DEPDC5: variants seen among roughly 807,000 people sequenced by gnomAD.
DEPDC5 encodes DEP domain containing 5, GATOR1 subcomplex subunit.
In DEPDC5, 73 loss-of-function variants were observed where a neutral mutation model predicts 217.3. That is an observed-to-expected ratio of 0.34 (90% CI 0.28 to 0.41). The LOEUF is 0.41. DEPDC5 is among the 10% of genes least tolerant of loss of function. The pLI is 1.00. For synonymous variants in DEPDC5, 733 were observed against 756.7 expected (o/e 0.97, Z 0.51); for missense variants, 1,675 against 2,070.1 (o/e 0.81, Z 3.70).
chr22:31,847,305 GC>G (rs2091793234), intron 31 of DEPDC5, among the ~76,000 whole-genome samples: 1 of 151,886 alleles, frequency 6.6e-6, no homozygotes, highest in African/African-American at 2.4e-5. Context: ...ATCACTTGAG[GC>G]CAGGAGTTTG....
intron 6 of DEPDC5, 54 bp downstream of exon 6, chr22:31,766,722 C>A: frequency 6.7e-7 from 1 of 1,485,644 alleles, no homozygotes; most frequent in Non-Finnish European, 9.4e-7. Context: ...TGTGAATAAT[C>A]CCTGTTTATT....
rs16989528 is a variant in DEPDC5 at position 31,821,553 on chromosome 22, C to T, written c.1922C>T (p.Ala641Val). 0.034 allele frequency: 54,688 copies of T among 1,614,110 alleles called. 1,125 individuals carry two copies. Among genetic ancestry groups the T allele is most frequent in the South Asian group, 0.057 (5,149 of 91,076 alleles). The change falls in exon 23 of 43, where the codon GCG (alanine) becomes GTG (valine). Residue 641 changes from alanine (A) to valine (V), a missense_variant. This residue lies in a region of DEPDC5 where 136 missense variants were observed against 132.2 expected (regional missense o/e 1.03). Coordinates refer to ENST00000651528, the MANE Select transcript of DEPDC5 (RefSeq NM_001242896.3). Reference sequence around the variant, plus strand: ...CACCACCAGACCCGACAGAATATGGCGGAGCTACAAGGCAGCGGGCAGAGG... The same window carrying T: ...CACCACCAGACCCGACAGAATATGGTGGAGCTACAAGGCAGCGGGCAGAGG... ...QIHHQTRQNM[A>V]ELQGSGQRDP...
At chr22:31,785,846 GAA>G (rs2084929469) in intron 10 of DEPDC5, among the ~76,000 whole-genome samples, 1 of 152,086 alleles carries the variant, frequency 6.6e-6, no homozygotes, top group Non-Finnish European at 1.5e-5. Flanking sequence ...TTTAATGAGA[GAA>G]AGAATATTCT....
At chr22:31,781,513 A>G (rs1298413363) in intron 8 of DEPDC5, among the ~76,000 whole-genome samples, 1 of 151,212 alleles carries the variant, frequency 6.6e-6, no homozygotes, top group African/African-American at 2.4e-5. Flanking sequence ...GCTCACTACA[A>G]CCTCCGCCCC....
At chr22:31,805,981 G>C (rs1474352981) in intron 17 of DEPDC5, 141 bp from the exon 18 acceptor site, 1 of 684,972 alleles carries the variant, frequency 1.5e-6, no homozygotes, top group Non-Finnish European at 2.5e-6. Flanking sequence ...TCTTGTAAAA[G>C]AAGTTAAAAT....
Position 31,907,369 on chromosome 22 carries a change from G to C in DEPDC5, c.*872G>C, listed in dbSNP as rs1260351027. The C allele has an allele frequency of 6.6e-6, 1 of 151,004 alleles. No homozygotes were observed. Among genetic ancestry groups the C allele is most frequent in the African/African-American group, 2.5e-5 (1 of 40,636 alleles). 9.4% of individuals were successfully genotyped at this position (151,004 alleles called of 1,614,324 possible). A position where few individuals can be genotyped will look rare whatever the true frequency, so the allele number is the denominator to read the frequency against. On this transcript the variant is annotated 3_prime_UTR_variant, in exon 43 of 43. Transcript: ENST00000651528. ...GAAACATTTTGTAGACTCTAACTTA[G>C]GTTTTTTTTGTTGTTGTTTTTTTTG... is the stretch of plus-strand genomic sequence containing the variant.
chr22:31,877,473 C>T (rs1321430017), intron 37 of DEPDC5, among the ~76,000 whole-genome samples: 2 of 134,296 alleles, frequency 1.5e-5, no homozygotes, highest in African/African-American at 2.9e-5. Context: ...AAAAACAGGC[C>T]GGGCACAGTG....
At chr22:31,858,401 C>T (rs1158455983) in intron 32 of DEPDC5, 1 of 152,182 alleles carries the variant, frequency 6.6e-6, no homozygotes, top group Non-Finnish European at 1.5e-5. Flanking sequence ...GCTCTGTCAG[C>T]TCCTTCTGGG....
At chr22:31,755,073 T>A in intron 2 of DEPDC5, 94 bp downstream of exon 2, 1 of 1,474,892 alleles carries the variant, frequency 6.8e-7, no homozygotes, top group Non-Finnish European at 9.4e-7. Flanking sequence ...GTGTGACAAT[T>A]GAGGCTAAAC....
intron 18 of DEPDC5, among the ~76,000 whole-genome samples, chr22:31,808,216 C>A (rs374577494): frequency 6.6e-6 from 1 of 151,818 alleles, no homozygotes; most frequent in African/African-American, 2.4e-5. Flanking sequence ...GTGCCCCAGC[C>A]TCCCCAATAG....
chr22:31,901,982 TC>T (rs1472883024), intron 41 of DEPDC5, among the ~76,000 whole-genome samples, 180 bp downstream of exon 41: 1 of 152,198 alleles, frequency 6.6e-6, no homozygotes, highest in Admixed American at 6.5e-5. Context: ...AAGCGCTGCC[TC>T]CCTGTTTCCT....
intron 21 of DEPDC5, chr22:31,815,806 G>T: frequency 8.1e-7 from 1 of 1,236,004 alleles, no homozygotes; most frequent in South Asian, 3.2e-5. Flanking sequence ...TGAGATTACA[G>T]GCATGAACCA....
chr22:31,796,706 T>C (rs2086278219), intron 12 of DEPDC5, among the ~76,000 whole-genome samples: 1 of 151,838 alleles, frequency 6.6e-6, no homozygotes, highest in Non-Finnish European at 1.5e-5. Context: ...GAGTGCTCTT[T>C]TTTTTTTTGA....
intron 33 of DEPDC5, among the ~76,000 whole-genome samples, chr22:31,866,417 C>T (rs556448615): frequency 1.3e-5 from 2 of 152,234 alleles, no homozygotes; most frequent in East Asian, 3.9e-4. Context: ...GAGACAGTCT[C>T]GCTCTGTCGC....
At chr22:31,900,797 C>T (rs1208718155) in intron 40 of DEPDC5, among the ~76,000 whole-genome samples, 1 of 152,038 alleles carries the variant, frequency 6.6e-6, no homozygotes, top group Non-Finnish European at 1.5e-5. Flanking sequence ...TTACATGGTC[C>T]AGGCACAGTG....
chr22:31,792,082 T>G lies in DEPDC5; in HGVS notation c.674T>G (p.Phe225Cys), dbSNP rs1041858237. ...ACAGTGGTCCTGTTTTCTAGAACTT[T>G]CTATGATGCAAAATCTGTTGGTGAG... ...EVTVVLFSRT[F>C]YDAKSVDEFP... is the part of the protein sequence containing the mutation. Residue 225 changes from phenylalanine (F) to cysteine (C), a missense_variant, in exon 11 of 43, where the codon TTC (phenylalanine) becomes TGC (cysteine). Transcript: ENST00000651528. 2 of 1,612,516 alleles carry G rather than the reference T, an allele frequency of 1.2e-6. No homozygotes were observed. The highest frequency in any genetic ancestry group is 1.7e-6 in the Non-Finnish European group (2 of 1,179,046).
chr22:31,853,460 AT>A (rs2092134399), intron 31 of DEPDC5: 1 of 152,156 alleles, frequency 6.6e-6, no homozygotes, highest in African/African-American at 2.4e-5. Flanking sequence ...TTTATATAAC[AT>A]TTGTATAACA....
intron 19 of DEPDC5, 121 bp from the exon 20 acceptor site, chr22:31,810,400 T>G: frequency 4.1e-6 from 6 of 1,457,238 alleles, no homozygotes; most frequent in Non-Finnish European, 4.6e-6. Flanking sequence ...TGGTGAAGAT[T>G]ATCTGAAGGC....
chr22:31,822,504 A>C (rs758903862), intron 23 of DEPDC5, among the ~76,000 whole-genome samples, 189 bp from the exon 24 acceptor site: 4 of 152,196 alleles, frequency 2.6e-5, no homozygotes, highest in Non-Finnish European at 4.4e-5. Context: ...AGGAGCCGGC[A>C]CTGACACACA....
Sources: gnomAD v4.1 joint callset for allele counts (sites outside exome capture counted in the v4.1 genomes callset) on GRCh38, gnomAD v4.1.1 for gene constraint, gnomAD v4.1.1 regional missense constraint, MANE v1.5 for transcripts, NCBI Gene and HGNC (gene_info 2026-07-23, HGNC 2026-07-21) for gene names.